SGCZ: variants seen among roughly 807,000 people sequenced by gnomAD.
The protein encoded by SGCZ is sarcoglycan zeta.
SGCZ carries 40 observed loss-of-function variants against 41.3 expected under a neutral mutation model. The observed-to-expected ratio is 0.97, with a 90% confidence interval of 0.75 to 1.26. SGCZ has a LOEUF of 1.26. Ranked by LOEUF, SGCZ falls within the 50% of genes most tolerant of loss-of-function variation. The pLI is 0.00. For missense variants in SGCZ, 552 were observed against 369.8 expected (o/e 1.49, Z -4.04); for synonymous variants, 206 against 137.5 (o/e 1.50, Z -3.49).
chr8:15,126,334 A>G (rs890053623), intron 1 of SGCZ, among the ~76,000 whole-genome samples: 3 of 152,318 alleles, frequency 2.0e-5, no homozygotes, highest in Admixed American at 6.5e-5. Context: ...GTCCAAATGC[A>G]TGGATTTATA....
At chr8:14,654,156 T>C (rs1296094392) in intron 1 of SGCZ, among the ~76,000 whole-genome samples, 3 of 151,624 alleles carry the variant, frequency 2.0e-5, no homozygotes, top group Non-Finnish European at 4.4e-5. Context: ...AGAAACCTAC[T>C]AAAATCCATA....
At chr8:14,658,028 C>T (rs1281605840) in intron 1 of SGCZ, among the ~76,000 whole-genome samples, 4 of 152,126 alleles carry the variant, frequency 2.6e-5, no homozygotes, top group African/African-American at 7.2e-5. Context: ...ACTGAGGATA[C>T]ATTTGGCAAT....
chr8:14,525,082 CACAT>C (rs1409164139), intron 2 of SGCZ, among the ~76,000 whole-genome samples: 4 of 151,030 alleles, frequency 2.6e-5, no homozygotes, highest in African/African-American at 9.7e-5. Context: ...GATAGATAGA[CACAT>C]AGATAGATAG....
At chr8:15,067,713 A>G (rs1805205026) in intron 1 of SGCZ, among the ~76,000 whole-genome samples, 1 of 152,030 alleles carries the variant, frequency 6.6e-6, no homozygotes, top group African/African-American at 2.4e-5. Context: ...AAACTCATTC[A>G]TTTTTTCTTT....
At chr8:14,428,063 G>A (rs1454531915) in intron 2 of SGCZ, among the ~76,000 whole-genome samples, 2 of 150,626 alleles carry the variant, frequency 1.3e-5, no homozygotes, top group Non-Finnish European at 2.9e-5. Context: ...CAGGGGTCCT[G>A]GAATCAAACC....
At chr8:14,418,320 G>T (rs1186930630) in intron 2 of SGCZ, among the ~76,000 whole-genome samples, 2 of 151,848 alleles carry the variant, frequency 1.3e-5, no homozygotes, top group African/African-American at 2.4e-5. Context: ...AAAATGGGTT[G>T]GGTCTAAGGA....
chr8:15,014,185 G>A (rs900448693), intron 1 of SGCZ, among the ~76,000 whole-genome samples: 5 of 152,196 alleles, frequency 3.3e-5, no homozygotes, highest in Non-Finnish European at 7.3e-5. Context: ...TGTGGTAGCT[G>A]AGAAGCTACT....
intron 2 of SGCZ, among the ~76,000 whole-genome samples, chr8:14,423,405 G>A (rs900403492): frequency 1.3e-5 from 2 of 151,860 alleles, no homozygotes; most frequent in Non-Finnish European, 2.9e-5. Context: ...TAAATTCATA[G>A]CTATAATGAT....
rs368169569 is a variant in SGCZ at position 14,792,902 on chromosome 8, A to T, written c.40-237976T>A. On this transcript the variant is annotated intron_variant, in intron 1 of 7. Transcript: ENST00000382080. ...CTCCTCCTAGGTATCAAGAAGCTTC[A>T]TGGTTTTAAATACTATTGGCATGCT... Among the ~76,000 whole-genome samples the T allele has an allele frequency of 1.0e-3, 155 of 152,232 alleles. 1 individual carries two copies. The highest frequency in any genetic ancestry group is 3.6e-3 in the African/African-American group (148 of 41,548).
At chr8:14,547,170 T>A (rs143591941) in intron 2 of SGCZ, among the ~76,000 whole-genome samples, 1 of 152,164 alleles carries the variant, frequency 6.6e-6, no homozygotes, top group African/African-American at 2.4e-5. Context: ...AATTTGACAC[T>A]CTGTTCATTA....
At chr8:14,643,846 C>A (rs1807113420) in intron 1 of SGCZ, among the ~76,000 whole-genome samples, 1 of 151,618 alleles carries the variant, frequency 6.6e-6, no homozygotes, top group South Asian at 2.1e-4. Context: ...CTTTTCACAG[C>A]TTAACGTGCT....
chr8:14,123,553 C>A (rs1327325125), intron 5 of SGCZ, among the ~76,000 whole-genome samples: 1 of 152,108 alleles, frequency 6.6e-6, no homozygotes, highest in Non-Finnish European at 1.5e-5. Flanking sequence ...ACATCCAGAG[C>A]CATGACCAAG....
At chr8:14,897,450 T>C (rs959356308) in intron 1 of SGCZ, among the ~76,000 whole-genome samples, 1 of 152,204 alleles carries the variant, frequency 6.6e-6, no homozygotes, top group African/African-American at 2.4e-5. Context: ...TTTGGATCAA[T>C]GTCTTGTAGT....
chr8:14,352,739 G>T (rs1803146966), intron 2 of SGCZ, among the ~76,000 whole-genome samples: 4 of 151,898 alleles, frequency 2.6e-5, no homozygotes, highest in Admixed American at 2.6e-4. Context: ...GCCTATTTTT[G>T]CCTTGGTCAT....
chr8:14,997,735 G>A (rs187409568), intron 1 of SGCZ, among the ~76,000 whole-genome samples: 173 of 152,234 alleles, frequency 1.1e-3, no homozygotes, highest in Non-Finnish European at 1.6e-3. Context: ...CAAGGCAGGC[G>A]GACCACTTGA....
At chr8:15,002,391 A>G (rs1383367263) in intron 1 of SGCZ, among the ~76,000 whole-genome samples, 1 of 152,146 alleles carries the variant, frequency 6.6e-6, no homozygotes, top group African/African-American at 2.4e-5. Context: ...TAAGAATTTA[A>G]TCATATAGTA....
chr8:14,703,819 G>A (rs980811527), intron 1 of SGCZ, among the ~76,000 whole-genome samples: 4 of 151,938 alleles, frequency 2.6e-5, no homozygotes, highest in African/African-American at 9.7e-5. Context: ...TGAAAACTGA[G>A]AATGAAAGAG....
intron 5 of SGCZ, among the ~76,000 whole-genome samples, chr8:14,113,154 T>C (rs1273253927): frequency 2.0e-5 from 3 of 152,136 alleles, no homozygotes; most frequent in African/African-American, 7.2e-5. Flanking sequence ...ATATCTCACC[T>C]GTGCAAAAAG....
chr8:14,864,914 G>C (rs1340186324), intron 1 of SGCZ, among the ~76,000 whole-genome samples: 1 of 151,948 alleles, frequency 6.6e-6, no homozygotes, highest in African/African-American at 2.4e-5. Flanking sequence ...TCATTTCCTT[G>C]ATGGTTGGTG....
Sources: gnomAD v4.1 joint callset for allele counts (sites outside exome capture counted in the v4.1 genomes callset) on GRCh38, gnomAD v4.1.1 for gene constraint, MANE v1.5 for transcripts, NCBI Gene and HGNC (gene_info 2026-07-23, HGNC 2026-07-21) for gene names.